CELF2: variants seen among roughly 807,000 people sequenced by gnomAD.
CELF2 encodes the protein CUG triplet repeat RNA-binding protein 2.
In CELF2, 8 loss-of-function variants were observed where a neutral mutation model predicts 62.6. The ratio of observed to expected loss-of-function variants is 0.13; its 90% CI spans 0.07 to 0.23. The LOEUF is 0.23. Ranked by LOEUF, CELF2 falls within the 10% of genes least tolerant of loss-of-function variation. The probability of loss-of-function intolerance (pLI) is 1.00; values close to 1 mark genes in which losing one functional copy is unlikely to be tolerated. For missense variants in CELF2, 333 were observed against 671.0 expected, an observed-to-expected ratio of 0.50 and a Z score of 5.56; for synonymous variants, 258 against 250.0, an observed-to-expected ratio of 1.03 and a Z score of -0.30.
chr10:10,851,669 A>T (rs1340260719), intron 1 of CELF2, among the ~76,000 whole-genome samples: 1 of 152,226 alleles, frequency 6.6e-6, no homozygotes, highest in African/African-American at 2.4e-5. Context: ...CAAACCACAG[A>T]CTGGGAGAAA....
rs542523361 is a variant in CELF2, at chr10:11,267,206, A to C, written c.618+529A>C. The stretch of plus-strand genomic sequence containing the variant: ...ATTTCTCCCACTGCATTTAACATTG[A>C]AAGTGCAAATTTGGAAAATAGGATT... On this transcript the variant is annotated intron_variant, in intron 6 of 12. Transcript: ENST00000633077. This position sits in a 1 kb window ranked among gnomAD's most constrained non-coding sequence, Gnocchi z 4.4. Among the ~76,000 whole-genome samples, 21 of 152,266 alleles carry C rather than the reference A, an allele frequency of 1.4e-4. No homozygotes were observed. The highest frequency in any genetic ancestry group is 2.6e-4 in the Admixed American group (4 of 15,294).
intron 1 of CELF2, among the ~76,000 whole-genome samples, chr10:11,142,683 C>CAAAAAA (rs1006618543): frequency 0.049 from 3,097 of 63,542 alleles, 87 homozygotes; most frequent in Non-Finnish European, 0.062. Context: ...GACGCTGTCT[C>CAAAAAA]AAAAAAAAAA....
At chr10:10,702,716 C>G in the CELF2 span, among the ~76,000 whole-genome samples, 1 of 152,156 alleles carries the variant, frequency 6.6e-6, no homozygotes. Flanking sequence ...TCCTGAGTAG[C>G]TGGGATTACA....
intron 2 of CELF2, chr10:11,169,060 G>A (rs1051746287): frequency 2.6e-5 from 4 of 152,150 alleles, no homozygotes; most frequent in Admixed American, 6.5e-5. Flanking sequence ...TCTTTGCTAC[G>A]GGCCTTGGGC....
intron 2 of CELF2, among the ~76,000 whole-genome samples, chr10:10,933,147 A>T (rs1352222615): frequency 6.7e-6 from 1 of 149,696 alleles, no homozygotes; most frequent in Non-Finnish European, 1.5e-5. Context: ...AAAAAAAGGT[A>T]CAAAAGTTAG....
intron 2 of CELF2, among the ~76,000 whole-genome samples, chr10:10,985,780 A>G (rs1334538665): frequency 6.6e-6 from 1 of 152,198 alleles, no homozygotes; most frequent in African/African-American, 2.4e-5. Context: ...TCTTCTCGCT[A>G]AAGACCCATG....
At chr10:10,835,044 A>G (rs957274073) in intron 1 of CELF2, among the ~76,000 whole-genome samples, 14 of 152,138 alleles carry the variant, frequency 9.2e-5, no homozygotes, top group Non-Finnish European at 1.8e-4. Context: ...CTTACATAAG[A>G]GGCTGGAGTA....
At position 11,165,774 on chromosome 10, in the gene CELF2, C is replaced by A. The variant is rs1017361144; in HGVS notation, c.271+92C>A. 8 of 1,254,356 alleles carry A rather than the reference C, an allele frequency of 6.4e-6. No homozygotes were observed. Among genetic ancestry groups the A allele is most frequent in the Non-Finnish European group, 8.7e-6 (8 of 919,928 alleles). The allele number at this position is 1,254,356 out of a possible 1,614,324, so 77.7% of individuals were successfully genotyped here. A position where few individuals can be genotyped will look rare whatever the true frequency, so the allele number is the denominator to read the frequency against. On this transcript the variant is annotated intron_variant, in intron 2 of 12. Transcript: ENST00000633077. The surrounding 1 kb of genome is among the most constrained non-coding windows in gnomAD (Gnocchi z 7.4). The stretch of plus-strand genomic sequence containing the variant: ...AGCCCCCAGCCTGCAGGAGGAAGGG[C>A]GGGTAGGCAGGAGGGCTGGAAGCAG...
intron 1 of CELF2, among the ~76,000 whole-genome samples, chr10:11,021,165 A>G (rs1262942259): frequency 6.6e-6 from 1 of 152,220 alleles, no homozygotes; most frequent in Non-Finnish European, 1.5e-5. Flanking sequence ...AACAAAGCTA[A>G]TAAATAAAGT....
At chr10:10,910,364 G>A (rs369504421) in intron 1 of CELF2, among the ~76,000 whole-genome samples, 2 of 152,082 alleles carry the variant, frequency 1.3e-5, no homozygotes, top group African/African-American at 4.8e-5. Context: ...ACTTCTGTTG[G>A]TTTGTTTTGG....
In CELF2 at chr10:10,938,474, T is replaced by C. The variant is rs1195709584; in HGVS notation, c.89+18475T>C. Among the ~76,000 whole-genome samples the C allele has an allele frequency of 6.6e-6, 1 of 152,236 alleles. No individual in the cohort carries two copies. The highest frequency in any genetic ancestry group is 2.4e-5 in the African/African-American group (1 of 41,454). ...AAATTTCGTTTGAATGAACATTTTA[T>C]GGATTTTTGTGACACTGAGGGATAT... On this transcript the variant is annotated intron_variant, in intron 2 of 13. Transcript: ENST00000636488. The surrounding 1 kb of genome is among the most constrained non-coding windows in gnomAD (Gnocchi z 4.2).
chr10:10,704,731 C>G, the CELF2 span, among the ~76,000 whole-genome samples: 2 of 152,204 alleles, frequency 1.3e-5, no homozygotes, highest in East Asian at 3.9e-4. Context: ...CATATGTCTC[C>G]TGCGTCATGT....
At chr10:11,200,359 G>A (rs891807816) in intron 2 of CELF2, among the ~76,000 whole-genome samples, 1 of 152,194 alleles carries the variant, frequency 6.6e-6, no homozygotes, top group African/African-American at 2.4e-5. Flanking sequence ...TGTTCCTACA[G>A]CAAAGATATG....
chr10:10,653,966 G>A, the CELF2 span, among the ~76,000 whole-genome samples: 47 of 151,746 alleles, frequency 3.1e-4, no homozygotes, highest in African/African-American at 6.3e-4. Flanking sequence ...TTGATAGACC[G>A]CTAGCAAGAC....
At chr10:11,073,900 T>C (rs1423649976) in intron 1 of CELF2, among the ~76,000 whole-genome samples, 1 of 152,254 alleles carries the variant, frequency 6.6e-6, no homozygotes, top group African/African-American at 2.4e-5. Context: ...TTAAATAGTT[T>C]TCATACTGTT....
chr10:11,200,721 G>C lies in CELF2; in HGVS notation c.272-16704G>C, dbSNP rs1185277677. Among the ~76,000 whole-genome samples the C allele has an allele frequency of 3.3e-5, 5 of 152,354 alleles. No homozygotes were observed. The South Asian group carries it at 1.0e-3, about 32-fold the overall frequency. The stretch of plus-strand genomic sequence containing the variant: ...TTGATGCTGCTGGTAGGTTGGAGAA[G>C]CAGTCCAAGGGGATGGAGATAAGCC... On this transcript the variant is annotated intron_variant, in intron 2 of 12. Transcript: ENST00000633077.
chr10:10,640,949 C>T, the CELF2 span, among the ~76,000 whole-genome samples: 1 of 151,970 alleles, frequency 6.6e-6, no homozygotes, highest in Non-Finnish European at 1.5e-5. Flanking sequence ...GCTTTGAGGG[C>T]CAAAGAGATC....
chr10:11,090,769 A>G (rs1036845864), intron 1 of CELF2, among the ~76,000 whole-genome samples: 3 of 152,208 alleles, frequency 2.0e-5, no homozygotes, highest in African/African-American at 7.2e-5. Flanking sequence ...GGTGGGACGG[A>G]AGTGATCTAA....
intron 2 of CELF2, among the ~76,000 whole-genome samples, chr10:11,197,001 G>GAAAGAAAGAAA (rs1491213238): frequency 3.8e-4 from 7 of 18,352 alleles, no homozygotes; most frequent in African/African-American, 1.5e-3. Context: ...AAGGAAGGAA[G>GAAAGAAAGAAA]GAGAAAGAAA....
Sources: gnomAD v4.1 joint callset for allele counts (sites outside exome capture counted in the v4.1 genomes callset) on GRCh38, gnomAD v4.1.1 for gene constraint, Gnocchi (gnomAD v3.1) non-coding constraint, MANE v1.5 for transcripts, NCBI Gene and HGNC (gene_info 2026-07-23, HGNC 2026-07-21) for gene names.